SLC1A3: variants seen among roughly 807,000 people sequenced by gnomAD.
SLC1A3 encodes the protein excitatory amino acid transporter 1.
In SLC1A3, 21 loss-of-function variants were observed where a neutral mutation model predicts 48.1. That is an observed-to-expected ratio of 0.44 (90% confidence interval 0.31 to 0.63). The LOEUF (loss-of-function observed/expected upper bound fraction) is 0.63. Among genes scored for constraint, SLC1A3 ranks in the 20% least tolerant of loss-of-function variants. The pLI is 0.08. For synonymous variants in SLC1A3, 239 were observed against 251.4 expected (o/e 0.95, Z 0.47); for missense variants, 546 against 689.0 (o/e 0.79, Z 2.32).
At chr5:36,680,123 G>A (rs1325211245) in intron 7 of SLC1A3, among the ~76,000 whole-genome samples, 2 of 152,214 alleles carry the variant, frequency 1.3e-5, no homozygotes, top group African/African-American at 4.8e-5. Context: ...TGAGGGAGAA[G>A]AGGCAGAGTG....
At chr5:36,684,528 C>T (rs1043340891) in intron 9 of SLC1A3, among the ~76,000 whole-genome samples, 1 of 152,146 alleles carries the variant, frequency 6.6e-6, no homozygotes, top group South Asian at 2.1e-4. Context: ...AATGTGCCCT[C>T]CACATTCTCA....
upstream of SLC1A3, among the ~76,000 whole-genome samples, chr5:36,604,545 A>G (rs1738847445): frequency 6.6e-6 from 1 of 152,182 alleles, no homozygotes; most frequent in Non-Finnish European, 1.5e-5. Context: ...GACTCTTTGC[A>G]TCTCATTTTC....
rs758750828 is a variant in SLC1A3, at chr5:36,629,540, T to C, written c.272T>C (p.Met91Thr). The C allele has an allele frequency of 1.2e-6, 2 of 1,612,850 alleles. No individual in the cohort carries two copies. Among genetic ancestry groups the C allele is most frequent in the African/African-American group, 2.7e-5 (2 of 74,854 alleles). ...FSFPGELLMR[M>T]LQMLVLPLII... ...TTTCCTGGGGAACTTCTGATGAGGA[T>C]GTTACAGATGCTGGTCTTACCACTT... is the stretch of plus-strand genomic sequence containing the variant. Residue 91 changes from methionine (M) to threonine (T), a missense_variant, in exon 3 of 10, where the codon ATG (methionine) becomes ACG (threonine). By Grantham distance (81) the Met-to-Thr change is moderately conservative. This residue lies in a region of SLC1A3 where 348 missense variants were observed against 392.0 expected (regional missense o/e 0.89). Coordinates refer to ENST00000265113, the MANE Select transcript of SLC1A3 (RefSeq NM_004172.5).
chr5:36,684,056 T>C, intron 9 of SLC1A3, 58 bp downstream of exon 9: 1 of 1,606,444 alleles, frequency 6.2e-7, no homozygotes, highest in East Asian at 2.2e-5. Context: ...TCTGTCACTC[T>C]AGGGCACCAG....
intron 3 of SLC1A3, among the ~76,000 whole-genome samples, chr5:36,643,854 C>T (rs1156543329): frequency 6.6e-6 from 1 of 151,800 alleles, no homozygotes; most frequent in Non-Finnish European, 1.5e-5. Flanking sequence ...AATAGCCAGG[C>T]GTGGTGGCAT....
At chr5:36,612,223 C>T (rs1381183910) in intron 2 of SLC1A3, among the ~76,000 whole-genome samples, 1 of 152,106 alleles carries the variant, frequency 6.6e-6, no homozygotes, top group African/African-American at 2.4e-5. Context: ...ACAGAGTTTA[C>T]ATTTGAGTTC....
At chr5:36,634,231 G>A (rs373991085) in intron 3 of SLC1A3, among the ~76,000 whole-genome samples, 21 of 152,078 alleles carry the variant, frequency 1.4e-4, no homozygotes, top group South Asian at 2.1e-4. Flanking sequence ...AGCCAAGATC[G>A]CGCCACTGTA....
chr5:36,669,563 C>T (rs1430891547), intron 3 of SLC1A3: 1 of 152,100 alleles, frequency 6.6e-6, no homozygotes, highest in Non-Finnish European at 1.5e-5. Context: ...GTCCTTTAAA[C>T]TGTTACTTAA....
chr5:36,659,577 A>G (rs1741424341), intron 3 of SLC1A3, among the ~76,000 whole-genome samples: 1 of 152,236 alleles, frequency 6.6e-6, no homozygotes, highest in South Asian at 2.1e-4. Flanking sequence ...GGGGGGAGCC[A>G]GGATTCAAGC....
chr5:36,629,046 CTGT>C, intron 2 of SLC1A3, among the ~76,000 whole-genome samples: 1 of 152,330 alleles, frequency 6.6e-6, no homozygotes, highest in Non-Finnish European at 1.5e-5. Context: ...ATTCTAACAT[CTGT>C]TGTTATAAAG....
rs1212734484 is a variant in SLC1A3 at position 36,677,160 on chromosome 5, T to C, written c.836T>C (p.Met279Thr). Residue 279 changes from methionine (M) to threonine (T), a missense_variant, in exon 6 of 10, where the codon ATG becomes ACG. Around this residue, in one of 3 missense-constraint regions of SLC1A3, gnomAD observed 348 missense variants for 392.0 expected, o/e 0.89. Transcript: ENST00000265113. ...TTTGATTCTCTTAACGAAGCCATCATGAGACTGGTAGCAGTAATAATGTGG... is the reference window on the plus strand; with the variant it reads ...TTTGATTCTCTTAACGAAGCCATCACGAGACTGGTAGCAGTAATAATGTGG... ...EFFDSLNEAI[M>T]RLVAVIMWYA... 2 of 1,613,974 alleles carry C rather than the reference T, an allele frequency of 1.2e-6. No individual in the cohort carries two copies. The highest frequency in any genetic ancestry group is 1.7e-5 in the Admixed American group (1 of 60,032).
rs149550145 is a variant in SLC1A3, at chr5:36,653,896, T to G, written c.320-17133T>G. ...CCTCGCTCTGTCGCCCAGACTGGAG[T>G]GCAGTGGTGCGATCTTGGCTCACTG... On this transcript the variant is annotated intron_variant, in intron 3 of 9. Transcript: ENST00000265113. 9.1e-3 allele frequency among the ~76,000 whole-genome samples: 1,387 copies of G among 152,360 alleles called. 23 individuals carry two copies. Among genetic ancestry groups the G allele is most frequent in the African/African-American group, 0.031 (1,294 of 41,582 alleles).
At chr5:36,604,690 G>C (rs1738851617), upstream of SLC1A3, among the ~76,000 whole-genome samples, 1 of 151,592 alleles carries the variant, frequency 6.6e-6, no homozygotes, top group Non-Finnish European at 1.5e-5. Context: ...AGGGATTAGA[G>C]AGGAAAAAAA....
At chr5:36,615,307 A>T (rs915870638) in intron 2 of SLC1A3, among the ~76,000 whole-genome samples, 1 of 152,198 alleles carries the variant, frequency 6.6e-6, no homozygotes, top group African/African-American at 2.4e-5. Context: ...AAATTCTATC[A>T]TTTTAAGTCT....
At position 36,629,568 on chromosome 5, in the gene SLC1A3, C is replaced by T; in HGVS notation, c.300C>T (p.Ile100=). The stretch of plus-strand genomic sequence containing the variant: ...TACAGATGCTGGTCTTACCACTTAT[C>T]ATCTCCAGTCTTGTCACAGGTACCA... The part of the protein sequence containing the change: ...RMLQMLVLPL[I]ISSLVTGMAA... The change falls in exon 3 of 10, where the codon ATC becomes ATT. Residue 100 remains isoleucine, a synonymous_variant. Transcript: ENST00000265113. The T allele has an allele frequency of 1.2e-6, 2 of 1,613,178 alleles. No individual in the cohort carries two copies. The highest frequency in any genetic ancestry group is 1.7e-6 in the Non-Finnish European group (2 of 1,179,424).
chr5:36,683,400 A>AT lies in SLC1A3; in HGVS notation c.1290-451dup, dbSNP rs11284735. On this transcript the variant is annotated intron_variant, in intron 8 of 9. Coordinates refer to ENST00000265113, the MANE Select transcript of SLC1A3 (RefSeq NM_004172.5). The stretch of plus-strand genomic sequence containing the variant: ...ATTAGTTAGCATGATGATTAGTTCA[A>AT]TTTTTTTTTTTTTAATCTCATTTAC... Among the ~76,000 whole-genome samples, 753 of 148,796 alleles carry AT rather than the reference A, an allele frequency of 5.1e-3. 7 individuals are homozygous for AT. Among genetic ancestry groups the AT allele is most frequent in the African/African-American group, 0.015 (611 of 40,776 alleles).
intron 2 of SLC1A3, among the ~76,000 whole-genome samples, chr5:36,622,697 G>C (rs974773960): frequency 6.6e-6 from 1 of 152,058 alleles, no homozygotes; most frequent in Admixed American, 6.6e-5. Context: ...AAAATGAGAC[G>C]ATATTTAATT....
At chr5:36,605,243 TGGTATAA>T (rs1738885017), upstream of SLC1A3, among the ~76,000 whole-genome samples, 1 of 152,058 alleles carries the variant, frequency 6.6e-6, no homozygotes. Context: ...GTACAAAACA[TGGTATAA>T]TTAAGTGCTA....
intron 1 of SLC1A3, among the ~76,000 whole-genome samples, chr5:36,597,288 C>T (rs1465217523): frequency 3.4e-5 from 4 of 116,084 alleles, no homozygotes; most frequent in African/African-American, 1.3e-4. Context: ...GCTCTGTCGC[C>T]CAGGCTAGAG....
Sources: gnomAD v4.1 joint callset for allele counts (sites outside exome capture counted in the v4.1 genomes callset) on GRCh38, gnomAD v4.1.1 for gene constraint, gnomAD v4.1.1 regional missense constraint, MANE v1.5 for transcripts, NCBI Gene and HGNC (gene_info 2026-07-23, HGNC 2026-07-21) for gene names.